CFAP91: variants seen among roughly 807,000 people sequenced by gnomAD.
The protein encoded by CFAP91 is cilia and flagella associated protein 91, also known as cilia- and flagella-associated protein 91.
A neutral mutation model predicts 95.9 loss-of-function variants in CFAP91; 85 were observed. The ratio of observed to expected loss-of-function variants is 0.89; its 90% CI spans 0.74 to 1.06. CFAP91 has a LOEUF of 1.06. Ranked by LOEUF, CFAP91 falls within the 50% of genes least tolerant of loss-of-function variation. The pLI is 0.00. For synonymous variants in CFAP91, 335 were observed against 327.5 expected, an observed-to-expected ratio of 1.02 and a Z score of -0.25; for missense variants, 962 against 943.4, an observed-to-expected ratio of 1.02 and a Z score of -0.26.
At chr3:119,719,233 A>G (rs1207818121) in intron 6 of CFAP91, among the ~76,000 whole-genome samples, 1 of 152,238 alleles carries the variant, frequency 6.6e-6, no homozygotes, top group Non-Finnish European at 1.5e-5. Flanking sequence ...TAAAATGTAA[A>G]ACCAGTCAAA....
rs768560035 is a variant in CFAP91, at chr3:119,726,171, G to A, written c.683G>A (p.Gly228Asp). The A allele has an allele frequency of 4.9e-5, 78 of 1,607,450 alleles. No homozygotes were observed. The highest frequency in any genetic ancestry group is 6.6e-5 in the Non-Finnish European group (78 of 1,177,316). The change falls in exon 7 of 18, where the codon GGT becomes GAT. Residue 228 changes from glycine (G) to aspartate (D), a missense_variant and splice_region_variant. Coordinates refer to ENST00000273390, the MANE Select transcript of CFAP91 (RefSeq NM_033364.4). ...TAAGCTGTGCTGCTTTATCCTGCAG[G>A]TCGGGGTCTCCCAGCAGGACAAGCT... ...ELLTLATLTW[G>D]RGLPAGQAEV...
At position 119,707,431 on chromosome 3, in the gene CFAP91, T is replaced by C. The variant is rs201027141; in HGVS notation, c.229T>C (p.Phe77Leu). The C allele has an allele frequency of 1.9e-6, 3 of 1,575,392 alleles. No individual in the cohort carries two copies. Among genetic ancestry groups the C allele is most frequent in the East Asian group, 4.5e-5 (2 of 44,260 alleles). Residue 77 changes from phenylalanine to leucine, a missense_variant, in exon 3 of 18, where the codon TTC (phenylalanine) becomes CTC (leucine). Phe to Leu is a conservative substitution (Grantham distance 22). Coordinates refer to ENST00000273390, the MANE Select transcript of CFAP91 (RefSeq NM_033364.4). ...AAAAGTTCCCAGGTTTAAAACCATGTTCAGTAACCTGATCCATTATCCAAG... is the reference window on the plus strand; with the variant it reads ...AAAAGTTCCCAGGTTTAAAACCATGCTCAGTAACCTGATCCATTATCCAAG... ...LRKVPRFKTM[F>L]SNLIHYPRYS... is the part of the protein sequence containing the mutation.
At chr3:119,744,373 C>G (rs1326457760) in intron 14 of CFAP91, among the ~76,000 whole-genome samples, 177 bp downstream of exon 14, 1 of 152,194 alleles carries the variant, frequency 6.6e-6, no homozygotes, top group Non-Finnish European at 1.5e-5. Flanking sequence ...CAGACACGAT[C>G]CCGTCTCTCC....
Position 119,722,931 on chromosome 3 carries a change from A to G in CFAP91, c.683-3240A>G, listed in dbSNP as rs373826561. Among the ~76,000 whole-genome samples the G allele has an allele frequency of 7.2e-4, 109 of 152,320 alleles. 2 individuals carry two copies. The highest frequency in any genetic ancestry group is 2.4e-3 in the African/African-American group (98 of 41,578). ...CAAAGATTTGGTGAAAAGAGAGAAA[A>G]TATTTATCAATGGGAAACTCATGCT... On this transcript the variant is annotated intron_variant, in intron 6 of 17. Coordinates refer to ENST00000273390, the MANE Select transcript of CFAP91 (RefSeq NM_033364.4).
chr3:119,747,116 T>C lies in CFAP91; in HGVS notation c.1904T>C (p.Val635Ala). Reference sequence around the variant, plus strand: ...TGAGGGTATTATTGTTTTTTGCAGGTGGTTAAAGTTCACCATAGTACTATA... The same window carrying C: ...TGAGGGTATTATTGTTTTTTGCAGGCGGTTAAAGTTCACCATAGTACTATA... The part of the protein sequence containing the change: ...LREEDEIFKE[V>A]VKVHHSTISS... The change falls in exon 15 of 18, where the codon GTG becomes GCG. Residue 635 changes from valine to alanine, a missense_variant and splice_region_variant. Transcript: ENST00000273390. 1.3e-6 allele frequency: 2 copies of C among 1,558,122 alleles called. No individual in the cohort carries two copies. Among genetic ancestry groups the C allele is most frequent in the Non-Finnish European group, 8.7e-7 (1 of 1,152,978 alleles).
At chr3:119,730,600 T>TTGTGTGTG (rs1559757137) in intron 8 of CFAP91, among the ~76,000 whole-genome samples, 2 of 95,462 alleles carry the variant, frequency 2.1e-5, no homozygotes, top group East Asian at 8.3e-4. Flanking sequence ...GTTACTGAGA[T>TTGTGTGTG]AGTGTGTGTG....
At chr3:119,739,175 G>C in intron 11 of CFAP91, 80 bp from the exon 12 acceptor site, 1 of 1,232,942 alleles carries the variant, frequency 8.1e-7, no homozygotes, top group Non-Finnish European at 1.2e-6. Flanking sequence ...TGTTTTGCTT[G>C]AAATAAGTCT....
chr3:119,744,400 C>T (rs1452926763), intron 14 of CFAP91, among the ~76,000 whole-genome samples: 1 of 152,208 alleles, frequency 6.6e-6, no homozygotes, highest in African/African-American at 2.4e-5. Context: ...TTAAATAACA[C>T]ATAATACGCA....
intron 5 of CFAP91, among the ~76,000 whole-genome samples, chr3:119,711,268 A>G (rs1288834306): frequency 6.6e-6 from 1 of 152,160 alleles, no homozygotes; most frequent in Non-Finnish European, 1.5e-5. Flanking sequence ...CTCTCCCTAG[A>G]CAGAGCAACT....
chr3:119,749,473 G>A (rs2054284280), intron 16 of CFAP91, among the ~76,000 whole-genome samples: 1 of 151,960 alleles, frequency 6.6e-6, no homozygotes, highest in Non-Finnish European at 1.5e-5. Flanking sequence ...GCAGTGAGCC[G>A]AGATTGTGCC....
At chr3:119,721,740 G>A (rs113334137) in intron 6 of CFAP91, among the ~76,000 whole-genome samples, 5 of 152,312 alleles carry the variant, frequency 3.3e-5, no homozygotes, top group African/African-American at 1.2e-4. Flanking sequence ...TGGAGGCATG[G>A]CGATTAGAAA....
chr3:119,704,177 G>A (rs1428028529), intron 1 of CFAP91, among the ~76,000 whole-genome samples: 2 of 151,356 alleles, frequency 1.3e-5, no homozygotes, highest in Admixed American at 6.6e-5. Flanking sequence ...ACATCACCAT[G>A]TTTTTTTTTC....
intron 12 of CFAP91, among the ~76,000 whole-genome samples, chr3:119,739,828 A>ATATGCTCTACATATG (rs1553709970): frequency 2.6e-4 from 39 of 151,340 alleles, no homozygotes; most frequent in African/African-American, 8.0e-4. Context: ...ATGTTGTCTC[A>ATATGCTCTACATATG]TTTTTTTTTC....
intron 17 of CFAP91, among the ~76,000 whole-genome samples, chr3:119,755,145 G>A (rs757782234): frequency 9.9e-5 from 15 of 152,082 alleles, no homozygotes; most frequent in African/African-American, 1.7e-4. Flanking sequence ...AGTCTCACCC[G>A]TACTTCATTT....
intron 6 of CFAP91, among the ~76,000 whole-genome samples, chr3:119,722,634 C>G (rs1004501627): frequency 1.3e-5 from 2 of 151,944 alleles, no homozygotes; most frequent in Non-Finnish European, 2.9e-5. Context: ...GGCCACAAGT[C>G]CACACCACCA....
At chr3:119,759,079 A>G (rs1286366711) in intron 17 of CFAP91, among the ~76,000 whole-genome samples, 4 of 152,088 alleles carry the variant, frequency 2.6e-5, no homozygotes, top group Admixed American at 6.5e-5. Flanking sequence ...AATATTTACT[A>G]TTAAGCCCTT....
intron 17 of CFAP91, among the ~76,000 whole-genome samples, chr3:119,756,405 T>A (rs2054428756): frequency 1.3e-5 from 2 of 152,116 alleles, no homozygotes; most frequent in East Asian, 1.9e-4. Flanking sequence ...ATGAAACTAA[T>A]AAAATTTGTC....
intron 9 of CFAP91, 98 bp from the exon 10 acceptor site, chr3:119,733,266 T>C: frequency 7.8e-7 from 1 of 1,290,274 alleles, no homozygotes; most frequent in East Asian, 2.4e-5. Flanking sequence ...ACAATTCTAA[T>C]GAAACTGCTT....
intron 6 of CFAP91, among the ~76,000 whole-genome samples, chr3:119,721,254 C>T (rs79380101): frequency 0.015 from 2,348 of 152,226 alleles, 57 homozygotes; most frequent in African/African-American, 0.053. Flanking sequence ...CCTCTGGGTG[C>T]AGGAAAAAGT....
Sources: allele counts gnomAD v4.1 joint callset (sites outside exome capture counted in the v4.1 genomes callset), GRCh38; gene constraint gnomAD v4.1.1; transcripts MANE v1.5; gene names NCBI Gene and HGNC (gene_info 2026-07-23, HGNC 2026-07-21).